The following MCMBP variants were observed in gnomAD, a reference collection of about 807,000 sequenced individuals.
MCMBP encodes minichromosome maintenance complex binding protein.
In MCMBP, 31 loss-of-function variants were observed where a neutral mutation model predicts 81.3. The observed-to-expected ratio is 0.38, with a 90% CI of 0.29 to 0.51. MCMBP has a LOEUF of 0.51. MCMBP is among the 20% of genes least tolerant of loss of function. MCMBP has a pLI of 0.87. For missense variants in MCMBP, 645 were observed against 772.1 expected, an observed-to-expected ratio of 0.84 and a Z score of 1.95; for synonymous variants, 267 against 275.9, an observed-to-expected ratio of 0.97 and a Z score of 0.32.
At chr10:119,844,572 T>G (rs1426267008) in intron 8 of MCMBP, among the ~76,000 whole-genome samples, 1 of 152,156 alleles carries the variant, frequency 6.6e-6, no homozygotes, top group African/African-American at 2.4e-5. Context: ...GCTCTTAACC[T>G]CTGTGATGGT....
chr10:119,836,757 GTTTTTTTTTTTTTTTTTTTTTTTTTTT>G, intron 13 of MCMBP, 112 bp downstream of exon 13: 1 of 294,508 alleles, frequency 3.4e-6, no homozygotes, highest in Non-Finnish European at 6.1e-6. Flanking sequence ...AGCAGTCACA[GTTTTTTTTTTTTTTTTTTTTTTTTTTT>G]TTTTTTTTTT....
chr10:119,856,421 T>G (rs1049857551), intron 5 of MCMBP, among the ~76,000 whole-genome samples: 1 of 152,194 alleles, frequency 6.6e-6, no homozygotes, highest in Admixed American at 6.5e-5. Flanking sequence ...CTCAAATGCA[T>G]GATGTTAAAC....
intron 1 of MCMBP, among the ~76,000 whole-genome samples, chr10:119,860,839 A>G (rs1438548064): frequency 6.6e-6 from 1 of 152,226 alleles, no homozygotes; most frequent in Non-Finnish European, 1.5e-5. Flanking sequence ...AAACTACTGT[A>G]TAAGTGATGT....
intron 8 of MCMBP, among the ~76,000 whole-genome samples, 185 bp downstream of exon 8, chr10:119,847,428 G>A (rs1852655080): frequency 6.6e-6 from 1 of 152,136 alleles, no homozygotes; most frequent in African/African-American, 2.4e-5. Flanking sequence ...ACTTTCAAGT[G>A]TTTCAGAAAA....
chr10:119,859,040 C>A lies in MCMBP; in HGVS notation c.285+1G>T, dbSNP rs1160788997. The A allele has an allele frequency of 1.2e-6, 2 of 1,613,396 alleles. No individual in the cohort carries two copies. Among genetic ancestry groups the A allele is most frequent in the Admixed American group, 1.7e-5 (1 of 59,906 alleles). ...AAATTCATGAAAACAGCAATACTTA[C>A]ATGTGCTTTTGTGTTTTGGTTAACC... On this transcript the variant is annotated splice_donor_variant, in intron 3 of 15. Transcript: ENST00000369077. LOFTEE classifies it high-confidence loss of function.
At chr10:119,863,178 T>A (rs1010804652) in intron 1 of MCMBP, among the ~76,000 whole-genome samples, 6 of 152,176 alleles carry the variant, frequency 3.9e-5, no homozygotes, top group Non-Finnish European at 8.8e-5. Context: ...TTATCAAATT[T>A]TTGTTTTACG....
At position 119,859,835 on chromosome 10, in the gene MCMBP, A is replaced by G. The variant is rs964839792; in HGVS notation, c.108T>C (p.Phe36=). Residue 36 remains phenylalanine, a synonymous_variant, in exon 2 of 16, where the codon TTT becomes TTC. Transcript: ENST00000369077. ...PDWEKKVIEY[F]KEKLKENNAP... ...CATTATTTTCCTTCAGCTTTTCCTT[A>G]AAATACTCAATTACTTTCTTCTCCC... The G allele has an allele frequency of 6.2e-7, 1 of 1,613,216 alleles. No homozygotes were observed. Among genetic ancestry groups the G allele is most frequent in the Non-Finnish European group, 8.5e-7 (1 of 1,179,708 alleles).
At chr10:119,842,371 G>T in intron 10 of MCMBP, 101 bp downstream of exon 10, 1 of 1,324,210 alleles carries the variant, frequency 7.6e-7, no homozygotes, top group Non-Finnish European at 1.0e-6. Flanking sequence ...ATGTGATGAA[G>T]CCCAATAAGG....
chr10:119,829,482 A>G lies in MCMBP; in HGVS notation c.*1992T>C, dbSNP rs531524756. ...TTTGAAAAATCATTTTAAGAAGGCA[A>G]AGTTCCAAACAGGGTTACACAGGAG... is the stretch of plus-strand genomic sequence containing the variant. On this transcript the variant is annotated 3_prime_UTR_variant, in exon 16 of 16. Transcript: ENST00000369077. 1 of 152,326 alleles carries G rather than the reference A, an allele frequency of 6.6e-6. No individual in the cohort carries two copies. Among genetic ancestry groups the G allele is most frequent in the East Asian group, 1.9e-4 (1 of 5,192 alleles). The allele number at this position is 152,326 out of a possible 1,614,324, so 9.4% of individuals were successfully genotyped here.
intron 1 of MCMBP, among the ~76,000 whole-genome samples, chr10:119,866,369 T>C (rs1001225186): frequency 6.6e-6 from 1 of 152,206 alleles, no homozygotes; most frequent in Non-Finnish European, 1.5e-5. Flanking sequence ...CTCATGCCTG[T>C]AATCCCAACA....
chr10:119,850,448 C>T (rs560258463), intron 6 of MCMBP, among the ~76,000 whole-genome samples: 4 of 152,102 alleles, frequency 2.6e-5, no homozygotes, highest in South Asian at 2.1e-4. Context: ...TCTACCTATG[C>T]GATAAAACTG....
rs756564302 is a variant in MCMBP at position 119,843,274 on chromosome 10, T to G, written c.980A>C (p.Asn327Thr). The change falls in exon 9 of 16, where the codon AAC becomes ACC. Residue 327 changes from asparagine to threonine, a missense_variant. Coordinates refer to ENST00000369077, the MANE Select transcript of MCMBP (RefSeq NM_001256378.2). ...CTTACAGGTTTTGCTCTCCTCTTTG[T>G]TAAGGCAGGCAGGCAATAATGGGTT... ...HINPLLPACLNKEESKTFVSS... is the reference protein window; with the variant it reads ...HINPLLPACLTKEESKTFVSS... 2.5e-6 allele frequency: 4 copies of G among 1,613,720 alleles called. No individual in the cohort carries two copies. The highest frequency in any genetic ancestry group is 3.4e-6 in the Non-Finnish European group (4 of 1,179,792).
At chr10:119,858,277 C>G (rs1853122198) in intron 4 of MCMBP, 1 of 152,108 alleles carries the variant, frequency 6.6e-6, no homozygotes, top group South Asian at 2.1e-4. Context: ...ACATGTTGCT[C>G]AAGAGTCATA....
Position 119,829,681 on chromosome 10 carries a change from C to G in MCMBP, c.*1793G>C, listed in dbSNP as rs1851921828. 6.6e-6 allele frequency: 1 copy of G among 152,292 alleles called. No homozygotes were observed. The highest frequency in any genetic ancestry group is 6.5e-5 in the Admixed American group (1 of 15,284). The allele number at this position is 152,292 out of a possible 1,614,324, so 9.4% of individuals were successfully genotyped here. On this transcript the variant is annotated 3_prime_UTR_variant, in exon 16 of 16. Transcript: ENST00000369077. ...AGGAAGGTCCCTCTTGCACCACCTC[C>G]TCCACTTCAGTTCAGCTCTCTCATG...
At chr10:119,854,223 G>A (rs1251004525) in intron 5 of MCMBP, among the ~76,000 whole-genome samples, 1 of 151,748 alleles carries the variant, frequency 6.6e-6, no homozygotes, top group Non-Finnish European at 1.5e-5. Flanking sequence ...TGTATTTTTT[G>A]TAGAGACAGA....
chr10:119,839,675 C>T (rs907684809), intron 11 of MCMBP, among the ~76,000 whole-genome samples: 1 of 152,074 alleles, frequency 6.6e-6, no homozygotes, highest in African/African-American at 2.4e-5. Flanking sequence ...AAGATCCTTT[C>T]AATGTGCGAG....
intron 1 of MCMBP, among the ~76,000 whole-genome samples, chr10:119,872,096 T>C (rs1336911445): frequency 3.3e-5 from 5 of 152,078 alleles, no homozygotes; most frequent in African/African-American, 1.2e-4. Flanking sequence ...ACCGGAAGTT[T>C]TGAAATATCC....
rs565468949 is a variant in MCMBP, at chr10:119,851,599, A to G, written c.574+1451T>C. ...AGGCGCCTGCCACCATGCCTGGCTA[A>G]TTTTTGTATTTTTAGTAGAGATGGG... On this transcript the variant is annotated intron_variant, in intron 6 of 15. Transcript: ENST00000369077. Among the ~76,000 whole-genome samples the G allele has an allele frequency of 2.0e-5, 3 of 152,052 alleles. No individual in the cohort carries two copies. The East Asian group carries it at 5.9e-4, about 30-fold the overall frequency.
intron 8 of MCMBP, among the ~76,000 whole-genome samples, chr10:119,845,933 G>C (rs895636007): frequency 4.6e-5 from 7 of 152,160 alleles, no homozygotes; most frequent in South Asian, 2.1e-4. Context: ...ACTGGAATCA[G>C]AAATATGAAC....
Sources: gnomAD v4.1 joint callset for allele counts (sites outside exome capture counted in the v4.1 genomes callset) on GRCh38, gnomAD v4.1.1 for gene constraint, MANE v1.5 for transcripts, NCBI Gene and HGNC (gene_info 2026-07-23, HGNC 2026-07-21) for gene names.